UTP20: variants seen among roughly 807,000 people sequenced by gnomAD.
UTP20 encodes small subunit processome component 20 homolog.
A neutral mutation model predicts 329.5 loss-of-function variants in UTP20; 164 were observed. That is an observed-to-expected ratio of 0.50 (90% CI 0.44 to 0.57). UTP20 has a LOEUF of 0.57. Among genes scored for constraint, UTP20 ranks in the 20% least tolerant of loss-of-function variants. UTP20 has a pLI of 0.00. For synonymous variants in UTP20, 1,151 were observed against 1,159.3 expected, an observed-to-expected ratio of 0.99 and a Z score of 0.14; for missense variants, 3,055 against 3,284.2, an observed-to-expected ratio of 0.93 and a Z score of 1.71.
intron 24 of UTP20, 84 bp downstream of exon 24, chr12:101,321,021 A>G: frequency 8.1e-7 from 1 of 1,235,148 alleles, no homozygotes; most frequent in African/African-American, 1.5e-5. Context: ...AGAATAATTT[A>G]TTAAAGGCCT....
chr12:101,365,613 C>A lies in UTP20; in HGVS notation c.6113C>A (p.Thr2038Lys). 6.4e-7 allele frequency: 1 copy of A among 1,564,222 alleles called. No homozygotes were observed. Among genetic ancestry groups the A allele is most frequent in the Non-Finnish European group, 8.6e-7 (1 of 1,162,208 alleles). ...ATCAGTGAAAATCTTCCCCTGTTAA[C>A]AGAGAAAGAAAAGTAAGTTGGAAAA... ...GLISENLPLL[T>K]EKEKNPVAPA... is the part of the protein sequence containing the mutation. The change falls in exon 46 of 62, where the codon ACA becomes AAA. Residue 2038 changes from threonine to lysine, a missense_variant. Coordinates refer to ENST00000261637, the MANE Select transcript of UTP20 (RefSeq NM_014503.3).
chr12:101,341,470 G>C (rs1236870125), intron 32 of UTP20, among the ~76,000 whole-genome samples: 1 of 152,166 alleles, frequency 6.6e-6, no homozygotes, highest in Non-Finnish European at 1.5e-5. Context: ...CCACATAGTT[G>C]TTCAATTTAG....
intron 5 of UTP20, among the ~76,000 whole-genome samples, chr12:101,288,203 A>G (rs1341106497): frequency 2.0e-5 from 3 of 152,182 alleles, no homozygotes; most frequent in East Asian, 3.8e-4. Flanking sequence ...GAAAATGGTC[A>G]TTTCTCATTC....
At chr12:101,348,910 T>C (rs1811994134) in intron 38 of UTP20, among the ~76,000 whole-genome samples, 3 of 152,080 alleles carry the variant, frequency 2.0e-5, no homozygotes, top group Admixed American at 6.6e-5. Flanking sequence ...CTTCCCTTAA[T>C]TTTTAGTACA....
intron 38 of UTP20, among the ~76,000 whole-genome samples, chr12:101,349,122 CT>C (rs1219345151): frequency 6.6e-6 from 1 of 151,754 alleles, no homozygotes; most frequent in African/African-American, 2.4e-5. Flanking sequence ...TTATTCTTAA[CT>C]TTGTTCCCCC....
intron 38 of UTP20, among the ~76,000 whole-genome samples, chr12:101,348,658 T>C (rs1053364089): frequency 7.9e-5 from 12 of 151,260 alleles, no homozygotes; most frequent in African/African-American, 2.9e-4. Flanking sequence ...TAAAATTTCT[T>C]ATTTATTTGT....
intron 56 of UTP20, among the ~76,000 whole-genome samples, chr12:101,376,695 G>A (rs1303042271): frequency 1.3e-5 from 2 of 152,042 alleles, no homozygotes; most frequent in Non-Finnish European, 2.9e-5. Flanking sequence ...CACCCAGACT[G>A]GAGTTAAATG....
chr12:101,384,993 A>G (rs764414060), intron 60 of UTP20, among the ~76,000 whole-genome samples: 11 of 151,852 alleles, frequency 7.2e-5, no homozygotes, highest in South Asian at 2.1e-4. Flanking sequence ...CTCCTGTGAA[A>G]TTGAAATTGG....
At chr12:101,343,982 A>G (rs1244322407) in intron 35 of UTP20, among the ~76,000 whole-genome samples, 1 of 152,254 alleles carries the variant, frequency 6.6e-6, no homozygotes, top group Non-Finnish European at 1.5e-5. Flanking sequence ...TTAAAATCCA[A>G]AAATGCAGAA....
At chr12:101,365,960 G>A (rs1400862304) in intron 46 of UTP20, among the ~76,000 whole-genome samples, 1 of 152,088 alleles carries the variant, frequency 6.6e-6, no homozygotes, top group African/African-American at 2.4e-5. Flanking sequence ...GCTGGGCACA[G>A]TGGCTCATGC....
chr12:101,383,064 A>G lies in UTP20; in HGVS notation c.7680A>G (p.Ala2560=). Residue 2560 remains alanine, a synonymous_variant, in exon 59 of 62, where the codon GCA becomes GCG. Transcript: ENST00000261637. ...GEQVVKNLLF[A]AKVLYLLELY... ...AGGTTGTTAAGAATTTGTTGTTCGC[A>G]GCCAAAGTCTTGTATTTACTGGAAC... 1 of 1,597,590 alleles carries G rather than the reference A, an allele frequency of 6.3e-7. No individual in the cohort carries two copies. Among genetic ancestry groups the G allele is most frequent in the Non-Finnish European group, 8.5e-7 (1 of 1,175,512 alleles).
rs1237862346 is a variant in UTP20 at position 101,381,164 on chromosome 12, T to G, written c.7609T>G (p.Cys2537Gly). 6 of 1,614,028 alleles carry G rather than the reference T, an allele frequency of 3.7e-6. No homozygotes were observed. Among genetic ancestry groups the G allele is most frequent in the Non-Finnish European group, 5.1e-6 (6 of 1,179,858 alleles). Residue 2537 changes from cysteine to glycine, a missense_variant, in exon 58 of 62, where the codon TGC becomes GGC. Physicochemically the swap from Cys to Gly is radical, Grantham distance 159. Transcript: ENST00000261637. ...QKMKSISLAS[C>G]HQLHSKFLDQ... ...GATGAAAAGTATCTCTCTCGCCTCTTGCCATCAATTGCATTCCAAATTCTT... is the reference window on the plus strand; with the variant it reads ...GATGAAAAGTATCTCTCTCGCCTCTGGCCATCAATTGCATTCCAAATTCTT...
At chr12:101,326,900 A>G (rs1279220352) in intron 25 of UTP20, 181 bp from the exon 26 acceptor site, 2 of 629,232 alleles carry the variant, frequency 3.2e-6, no homozygotes, top group East Asian at 3.3e-5. Context: ...TCTTAGCCTT[A>G]TTTTGTTGTT....
Position 101,290,185 on chromosome 12 carries a change from A to G in UTP20, c.646A>G (p.Lys216Glu), listed in dbSNP as rs1348911016. 2 of 1,608,528 alleles carry G rather than the reference A, an allele frequency of 1.2e-6. No individual in the cohort carries two copies. Among genetic ancestry groups the G allele is most frequent in the Admixed American group, 3.4e-5 (2 of 59,398 alleles). The change falls in exon 7 of 62, where the codon AAA (lysine) becomes GAA (glutamate). Residue 216 changes from lysine (K) to glutamate (E), a missense_variant. By Grantham distance (56) the Lys-to-Glu change is moderately conservative (BLOSUM62 1). This residue lies in a region of UTP20 where 2,445 missense variants were observed against 2,575.5 expected (regional missense o/e 0.95). Transcript: ENST00000261637. ...CAATTTAATGTTTCTTGATCTTGATAAACATCCAGAAAAAGTTGAAGGTGT... is the reference window on the plus strand; with the variant it reads ...CAATTTAATGTTTCTTGATCTTGATGAACATCCAGAAAAAGTTGAAGGTGT... ...LFNLMFLDLD[K>E]HPEKVEGVGQ...
chr12:101,368,458 T>A (rs1327271821), intron 48 of UTP20, among the ~76,000 whole-genome samples: 5 of 152,076 alleles, frequency 3.3e-5, no homozygotes, highest in Non-Finnish European at 7.3e-5. Flanking sequence ...TTAAAGAGAT[T>A]TATGACATCG....
At chr12:101,359,352 G>A (rs974665267) in intron 43 of UTP20, among the ~76,000 whole-genome samples, 9 of 152,094 alleles carry the variant, frequency 5.9e-5, no homozygotes, top group African/African-American at 1.7e-4. Context: ...AGGCGTGAGC[G>A]ACTGCACCCA....
At chr12:101,329,151 T>C in intron 26 of UTP20, 90 bp from the exon 27 acceptor site, 1 of 1,139,288 alleles carries the variant, frequency 8.8e-7, no homozygotes, top group Non-Finnish European at 1.3e-6. Context: ...TACTGTATTA[T>C]TAAGGGAAAT....
rs1056548502 is a variant in UTP20, at chr12:101,306,606, A to T, written c.1933-93A>T. ...TCTGGTCAAATGGTATTTTTTTTTT[A>T]AATTGTATAAAACTTAAATCTTGCT... On this transcript the variant is annotated intron_variant, in intron 16 of 61. Transcript: ENST00000261637. The T allele has an allele frequency of 7.6e-5, 88 of 1,163,286 alleles. No homozygotes were observed. In the African/African-American group the frequency reaches 8.3e-4, roughly 11 times the overall value. The allele number at this position is 1,163,286 out of a possible 1,614,324, so 72.1% of individuals were successfully genotyped here.
intron 2 of UTP20, among the ~76,000 whole-genome samples, chr12:101,283,533 AG>A (rs1871863442): frequency 6.6e-6 from 1 of 152,316 alleles, no homozygotes; most frequent in African/African-American, 2.4e-5. Flanking sequence ...GGAGCTCCAG[AG>A]TTACCTTGCA....
Sources: gnomAD v4.1 joint callset for allele counts (sites outside exome capture counted in the v4.1 genomes callset) on GRCh38, gnomAD v4.1.1 for gene constraint, gnomAD v4.1.1 regional missense constraint, MANE v1.5 for transcripts, NCBI Gene and HGNC (gene_info 2026-07-23, HGNC 2026-07-21) for gene names.